Variants in PDE1B observed in about 807,000 individuals in gnomAD.
The protein encoded by PDE1B is dual specificity calcium/calmodulin-dependent 3',5'-cyclic nucleotide phosphodiesterase 1B.
Under a neutral mutation model 66.7 loss-of-function variants are expected in PDE1B, and 13 were observed. That is an observed-to-expected ratio of 0.19 (90% CI 0.13 to 0.31). The LOEUF (loss-of-function observed/expected upper bound fraction) is 0.31, where lower values mean the gene tolerates loss of function less well. Among genes scored for constraint, PDE1B ranks in the 10% least tolerant of loss-of-function variants. The pLI is 1.00. For synonymous variants in PDE1B, 230 were observed against 253.9 expected (o/e 0.91, Z 0.90); for missense variants, 485 against 682.3 (o/e 0.71, Z 3.22).
chr12:54,564,977 A>G (rs1374540054), intron 2 of PDE1B, among the ~76,000 whole-genome samples: 6 of 152,216 alleles, frequency 3.9e-5, no homozygotes. Flanking sequence ...TCCCTTCTTC[A>G]TAGGCCCATT....
rs1957725637 is a variant in PDE1B at position 54,575,626 on chromosome 12, CAGAT to C, written c.1264_1267del (p.Ile422GlyfsTer14). Reference sequence around the variant, plus strand: ...CACTTCCACTCTAGTGGCACAGTCTCAGATAGGTGAGTGTCCTCTCCTGCAGGAA... The same window carrying C: ...CACTTCCACTCTAGTGGCACAGTCTCAGGTGAGTGTCCTCTCCTGCAGGAA... On this transcript the variant is annotated frameshift_variant and splice_region_variant, in exon 12 of 16. Transcript: ENST00000243052. LOFTEE classifies it high-confidence loss of function. This position sits in a 1 kb window ranked among gnomAD's most constrained non-coding sequence, Gnocchi z 4.0. 6.2e-7 allele frequency: 1 copy of C among 1,608,134 alleles called. No individual in the cohort carries two copies. The highest frequency in any genetic ancestry group is 8.5e-7 in the Non-Finnish European group (1 of 1,175,562).
In PDE1B at chr12:54,573,475, G is replaced by A. The variant is rs753284811; in HGVS notation, c.957G>A (p.Glu319=). The change falls in exon 9 of 16, where the codon GAG becomes GAA. Residue 319 remains glutamate, a synonymous_variant. Transcript: ENST00000243052. This position sits in a 1 kb window ranked among gnomAD's most constrained non-coding sequence, Gnocchi z 5.2. ...MNIFINLTKD[E]FVELRALVIE... ...TTTTCATCAACCTCACCAAGGATGA[G>A]TTTGTGTGAGCAGAAGCCAGTACTT... The A allele has an allele frequency of 1.9e-6, 3 of 1,614,206 alleles. No individual in the cohort carries two copies. The highest frequency in any genetic ancestry group is 3.3e-5 in the Admixed American group (2 of 60,026).
intron 14 of PDE1B, chr12:54,577,006 G>A (rs1396117490): frequency 1.6e-6 from 1 of 611,246 alleles, no homozygotes; most frequent in Admixed American, 3.0e-5. Flanking sequence ...CCCTGGCTGG[G>A]AAATCTCTTC....
At chr12:54,577,188 T>C in intron 14 of PDE1B, 37 bp from the exon 15 acceptor site, 1 of 1,545,932 alleles carries the variant, frequency 6.5e-7, no homozygotes, top group Non-Finnish European at 8.9e-7. Flanking sequence ...AGAATACTTC[T>C]TGGCCTAAGC....
At chr12:54,556,891 G>T (rs989487952) in intron 2 of PDE1B, among the ~76,000 whole-genome samples, 1 of 152,032 alleles carries the variant, frequency 6.6e-6, no homozygotes, top group East Asian at 1.9e-4. Context: ...GGGGGCTGGG[G>T]GCTGGGGGCT....
chr12:54,575,402 A>G lies in PDE1B; in HGVS notation c.1186-149A>G, dbSNP rs1356163670. On this transcript the variant is annotated intron_variant, in intron 11 of 15. Coordinates refer to ENST00000243052, the MANE Select transcript of PDE1B (RefSeq NM_000924.4). This position sits in a 1 kb window ranked among gnomAD's most constrained non-coding sequence, Gnocchi z 4.0. ...AACAATAGTTGCATTTCATTTGCAT[A>G]TATTTCATTTGCATATTACTAATTT... 4.2e-5 allele frequency: 32 copies of G among 767,138 alleles called. No homozygotes were observed. Among genetic ancestry groups the G allele is most frequent in the Non-Finnish European group, 6.6e-5 (29 of 437,992 alleles). The allele number at this position is 767,138 out of a possible 1,614,324, so 47.5% of individuals were successfully genotyped here. A position where few individuals can be genotyped will look rare whatever the true frequency, so the allele number is the denominator to read the frequency against.
At chr12:54,561,755 T>A in intron 2 of PDE1B, 1 of 631,686 alleles carries the variant, frequency 1.6e-6, no homozygotes, top group Non-Finnish European at 2.6e-6. Flanking sequence ...CCCCATATGT[T>A]TTGTGCGTGT....
chr12:54,570,480 C>T, intron 6 of PDE1B, 123 bp downstream of exon 6: 1 of 695,024 alleles, frequency 1.4e-6, no homozygotes, highest in Non-Finnish European at 2.6e-6. Context: ...TCAGGGAAGT[C>T]TCCCCATGCC....
Position 54,575,622 on chromosome 12 carries a change from G to T in PDE1B, c.1257G>T (p.Gln419His), listed in dbSNP as rs1957725542. 1.2e-6 allele frequency: 2 copies of T among 1,608,640 alleles called. No homozygotes were observed. The highest frequency in any genetic ancestry group is 1.7e-6 in the Non-Finnish European group (2 of 1,175,838). ...LCDRTSTLVA[Q>H]SQIGFIDFIV... ...ACCGCACTTCCACTCTAGTGGCACA[G>T]TCTCAGATAGGTGAGTGTCCTCTCC... is the stretch of plus-strand genomic sequence containing the variant. Residue 419 changes from glutamine to histidine, a missense_variant, in exon 12 of 16, where the codon CAG (glutamine) becomes CAT (histidine). Gln to His is a conservative substitution (Grantham distance 24). Around this residue, in one of 4 missense-constraint regions of PDE1B, gnomAD observed 282 missense variants for 453.4 expected, o/e 0.62. Coordinates refer to ENST00000243052, the MANE Select transcript of PDE1B (RefSeq NM_000924.4). The surrounding 1 kb of genome is among the most constrained non-coding windows in gnomAD (Gnocchi z 4.0).
At position 54,560,709 on chromosome 12, in the gene PDE1B, C is replaced by T. The variant is rs150536026; in HGVS notation, c.114-6265C>T. 5.1e-3 allele frequency among the ~76,000 whole-genome samples: 777 copies of T among 152,344 alleles called. 7 individuals are homozygous for T. The highest frequency in any genetic ancestry group is 0.017 in the African/African-American group (721 of 41,584). On this transcript the variant is annotated intron_variant, in intron 2 of 15. Transcript: ENST00000243052. The stretch of plus-strand genomic sequence containing the variant: ...GGGAGAGGGGTTCCTGGTCCTCAGA[C>T]CCCTTCTGGGTGCCTCTTTTGGCCC...
chr12:54,550,949 C>T (rs1484034946), intron 2 of PDE1B, among the ~76,000 whole-genome samples: 1 of 152,196 alleles, frequency 6.6e-6, no homozygotes, highest in African/African-American at 2.4e-5. Flanking sequence ...TGGGAAATCT[C>T]CGCAGTCTGT....
At position 54,573,111 on chromosome 12, in the gene PDE1B, G is replaced by T. The variant is rs190044372; in HGVS notation, c.736-37G>T. ...GGTTCCTGGGAAGTGACCAGCAGGC[G>T]TCACCCCTCTCTCATTCTTTCTCTT... On this transcript the variant is annotated intron_variant, in intron 7 of 15. Transcript: ENST00000243052. The surrounding 1 kb of genome is among the most constrained non-coding windows in gnomAD (Gnocchi z 5.2). 29 of 1,481,182 alleles carry T rather than the reference G, an allele frequency of 2.0e-5. No individual in the cohort carries two copies. The highest frequency in any genetic ancestry group is 2.5e-5 in the Non-Finnish European group (26 of 1,059,418). The allele number at this position is 1,481,182 out of a possible 1,614,324, so 91.8% of individuals were successfully genotyped here. A position where few individuals can be genotyped will look rare whatever the true frequency, so the allele number is the denominator to read the frequency against.
At chr12:54,565,755 G>A (rs797002882) in intron 2 of PDE1B, among the ~76,000 whole-genome samples, 9 of 152,270 alleles carry the variant, frequency 5.9e-5, no homozygotes, top group African/African-American at 2.2e-4. Flanking sequence ...GCTTCCTGGG[G>A]CTGGCTATTT....
chr12:54,550,500 T>G (rs2121012600), intron 2 of PDE1B, among the ~76,000 whole-genome samples: 1 of 152,274 alleles, frequency 6.6e-6, no homozygotes, highest in East Asian at 1.9e-4. Flanking sequence ...AGTTTCTGCC[T>G]CATGCACAGG....
Position 54,549,993 on chromosome 12 carries a change from C to A in PDE1B, c.113+8C>A, listed in dbSNP as rs759894277. On this transcript the variant is annotated splice_region_variant and intron_variant, in intron 2 of 15. Coordinates refer to ENST00000243052, the MANE Select transcript of PDE1B (RefSeq NM_000924.4). ...GATTAAGCTTCGGTCTCTGTAAGTC[C>A]CCGGCCCGGGAATGGGGGGAAGGGA... The A allele has an allele frequency of 3.1e-6, 5 of 1,613,310 alleles. No homozygotes were observed. In the African/African-American group the frequency reaches 4.0e-5, roughly 13 times the overall value.
chr12:54,554,063 A>G (rs1957312748), intron 2 of PDE1B, among the ~76,000 whole-genome samples: 1 of 152,210 alleles, frequency 6.6e-6, no homozygotes, highest in Non-Finnish European at 1.5e-5. Flanking sequence ...GTGTGTATGT[A>G]GGTAATGGGA....
chr12:54,557,340 T>C (rs1487563928), intron 2 of PDE1B, among the ~76,000 whole-genome samples: 1 of 152,178 alleles, frequency 6.6e-6, no homozygotes, highest in African/African-American at 2.4e-5. Context: ...TCCTGGAAAG[T>C]TCCTGGAGGT....
At chr12:54,559,308 C>T (rs1010077342) in intron 2 of PDE1B, among the ~76,000 whole-genome samples, 1 of 135,026 alleles carries the variant, frequency 7.4e-6, no homozygotes, top group Non-Finnish European at 1.5e-5. Flanking sequence ...TCCTTTGTTT[C>T]CTACCTCGAC....
chr12:54,563,551 C>G (rs1350277919), intron 2 of PDE1B, among the ~76,000 whole-genome samples: 1 of 152,236 alleles, frequency 6.6e-6, no homozygotes, highest in Non-Finnish European at 1.5e-5. Context: ...CAAACCAACT[C>G]AGTCTTCTCC....
Sources: gnomAD v4.1 joint callset for allele counts (sites outside exome capture counted in the v4.1 genomes callset) on GRCh38, gnomAD v4.1.1 for gene constraint, gnomAD v4.1.1 regional missense constraint, Gnocchi (gnomAD v3.1) non-coding constraint, MANE v1.5 for transcripts, NCBI Gene and HGNC (gene_info 2026-07-23, HGNC 2026-07-21) for gene names.